NRXN3: variants seen among roughly 807,000 people sequenced by gnomAD.
NRXN3 encodes the protein neurexin III.
A neutral mutation model predicts 137.6 loss-of-function variants in NRXN3; 32 were observed. The observed-to-expected ratio is 0.23, with a 90% CI of 0.18 to 0.31. NRXN3 has a LOEUF of 0.31. Among genes scored for constraint, NRXN3 ranks in the 10% least tolerant of loss-of-function variants. The pLI, the probability that NRXN3 is intolerant of heterozygous loss-of-function variation, is 1.00. For missense variants in NRXN3, 1,574 were observed against 2,062.5 expected (o/e 0.76, Z 4.59); for synonymous variants, 798 against 784.5 (o/e 1.02, Z -0.29).
intron 19 of NRXN3, among the ~76,000 whole-genome samples, chr14:79,725,701 G>A (rs1741946952): frequency 6.6e-6 from 1 of 152,126 alleles, no homozygotes; most frequent in South Asian, 2.1e-4. Flanking sequence ...ATTGAAATAA[G>A]CAATGTCAGC....
intron 6 of NRXN3, among the ~76,000 whole-genome samples, chr14:78,681,353 C>A (rs1375880694): frequency 6.6e-6 from 1 of 152,102 alleles, no homozygotes; most frequent in Non-Finnish European, 1.5e-5. Context: ...GCAAAATGTT[C>A]TTGAAAACCC....
intron 10 of NRXN3, among the ~76,000 whole-genome samples, chr14:78,943,617 AAAAAATATATATATATATATATAT>A (rs1323591911): frequency 3.7e-4 from 15 of 40,550 alleles, no homozygotes; most frequent in East Asian, 8.7e-4. Flanking sequence ...TGTTAAAAAA[AAAAAATATATATATATATATATAT>A]ATATATATAT....
intron 15 of NRXN3, among the ~76,000 whole-genome samples, chr14:79,414,337 A>G (rs1246493961): frequency 1.3e-5 from 2 of 152,158 alleles, no homozygotes; most frequent in Non-Finnish European, 2.9e-5. Flanking sequence ...TTTTCTTATG[A>G]AAAGTTTGAC....
At chr14:79,718,720 A>G (rs1347634986) in intron 19 of NRXN3, among the ~76,000 whole-genome samples, 3 of 152,166 alleles carry the variant, frequency 2.0e-5, no homozygotes, top group Non-Finnish European at 4.4e-5. Flanking sequence ...GATTAACCAT[A>G]ATTTCCAAAT....
intron 16 of NRXN3, among the ~76,000 whole-genome samples, chr14:79,515,651 TTTC>T (rs1275116604): frequency 6.6e-6 from 1 of 152,108 alleles, no homozygotes; most frequent in Non-Finnish European, 1.5e-5. Flanking sequence ...CTCCCTTCCT[TTTC>T]TTCTTTTTCT....
At chr14:78,621,807 A>C (rs1026068286) in intron 4 of NRXN3, among the ~76,000 whole-genome samples, 7 of 152,180 alleles carry the variant, frequency 4.6e-5, no homozygotes, top group Non-Finnish European at 8.8e-5. Context: ...TGACACTTTC[A>C]AGCAAGATGG....
At chr14:79,013,411 T>C (rs111979243) in intron 15 of NRXN3, among the ~76,000 whole-genome samples, 33 of 152,306 alleles carry the variant, frequency 2.2e-4, no homozygotes, top group African/African-American at 7.7e-4. Context: ...TACATGATAT[T>C]GGTTTTCAGT....
At chr14:79,054,566 G>T (rs2152603162) in intron 15 of NRXN3, among the ~76,000 whole-genome samples, 1 of 152,272 alleles carries the variant, frequency 6.6e-6, no homozygotes, top group South Asian at 2.1e-4. Context: ...ACTCCAGCAG[G>T]TTTCCCAGTC....
At chr14:79,228,836 G>A (rs1597521643) in intron 15 of NRXN3, among the ~76,000 whole-genome samples, 1 of 152,080 alleles carries the variant, frequency 6.6e-6, no homozygotes, top group East Asian at 1.9e-4. Context: ...ATTTCTTTCT[G>A]GATTACACAT....
intron 19 of NRXN3, among the ~76,000 whole-genome samples, chr14:79,727,645 A>C (rs1017362950): frequency 7.9e-5 from 12 of 152,156 alleles, no homozygotes; most frequent in African/African-American, 2.9e-4. Flanking sequence ...GAGGCAAAGA[A>C]ATTGCATTTC....
At chr14:79,094,834 C>T (rs1240374546) in intron 15 of NRXN3, among the ~76,000 whole-genome samples, 1 of 151,844 alleles carries the variant, frequency 6.6e-6, no homozygotes, top group Non-Finnish European at 1.5e-5. Context: ...GGGCAAAATA[C>T]TGGGGTAGAG....
chr14:79,659,741 T>G (rs2098524054), intron 16 of NRXN3, among the ~76,000 whole-genome samples: 1 of 152,272 alleles, frequency 6.6e-6, no homozygotes, highest in Admixed American at 6.5e-5. Context: ...ACACATCTCT[T>G]TATGAAAGAG....
chr14:79,536,278 T>C (rs2097210475), intron 16 of NRXN3, among the ~76,000 whole-genome samples: 1 of 152,148 alleles, frequency 6.6e-6, no homozygotes, highest in African/African-American at 2.4e-5. Context: ...GTACGTGTGA[T>C]CCATGATTAC....
chr14:79,549,270 G>A (rs1020854668), intron 16 of NRXN3, among the ~76,000 whole-genome samples: 2 of 151,980 alleles, frequency 1.3e-5, no homozygotes, highest in African/African-American at 4.8e-5. Context: ...AAAGAGAGAC[G>A]GCTTTGATGT....
At chr14:78,988,498 T>G (rs977507296) in intron 15 of NRXN3, among the ~76,000 whole-genome samples, 6 of 152,150 alleles carry the variant, frequency 3.9e-5, no homozygotes, top group Non-Finnish European at 4.4e-5. Context: ...TAACTCCAAA[T>G]TGGTTAATAA....
At chr14:78,649,938 C>T (rs2097724563) in intron 5 of NRXN3, among the ~76,000 whole-genome samples, 1 of 152,130 alleles carries the variant, frequency 6.6e-6, no homozygotes, top group African/African-American at 2.4e-5. Context: ...ATTTTCCTAC[C>T]TGCATCAGAA....
At chr14:78,816,189 T>A (rs536853845) in intron 10 of NRXN3, among the ~76,000 whole-genome samples, 32 of 152,248 alleles carry the variant, frequency 2.1e-4, no homozygotes, top group Middle Eastern at 3.4e-3. Flanking sequence ...TAATTCAGAT[T>A]GGTTTATTTT....
chr14:78,658,073 T>A (rs1392624429), intron 6 of NRXN3, among the ~76,000 whole-genome samples: 1 of 152,238 alleles, frequency 6.6e-6, no homozygotes, highest in South Asian at 2.1e-4. Context: ...TGATAATGTC[T>A]CTGTCCATAA....
chr14:79,579,367 T>TATAA (rs1567561063), intron 16 of NRXN3, among the ~76,000 whole-genome samples: 70 of 142,304 alleles, frequency 4.9e-4, no homozygotes, highest in African/African-American at 1.7e-3. Context: ...TATATATATA[T>TATAA]AATATATATA....
Sources: allele counts gnomAD v4.1 joint callset (sites outside exome capture counted in the v4.1 genomes callset), GRCh38; gene constraint gnomAD v4.1.1; transcripts MANE v1.5; gene names NCBI Gene and HGNC (gene_info 2026-07-23, HGNC 2026-07-21).